Variants in ZC3H18 observed in about 807,000 individuals in gnomAD.
ZC3H18 encodes zinc finger CCCH-type containing 18, also known as zinc finger CCCH domain-containing protein 18.
Under a neutral mutation model 106.1 loss-of-function variants are expected in ZC3H18, and 8 were observed. The ratio of observed to expected loss-of-function variants is 0.08; its 90% CI spans 0.04 to 0.14. ZC3H18 has a LOEUF of 0.14. Ranked by LOEUF, ZC3H18 falls within the 10% of genes least tolerant of loss-of-function variation. The pLI, the probability that ZC3H18 is intolerant of heterozygous loss-of-function variation, is 1.00. For synonymous variants in ZC3H18, 635 were observed against 522.1 expected (o/e 1.22, Z -2.95); for missense variants, 1,318 against 1,278.4 (o/e 1.03, Z -0.47).
At position 88,610,552 on chromosome 16, in the gene ZC3H18, G is replaced by A. The variant is rs1183064015; in HGVS notation, c.1207-716G>A. 3.3e-5 allele frequency among the ~76,000 whole-genome samples: 5 copies of A among 152,352 alleles called. No individual in the cohort carries two copies. In the East Asian group the frequency reaches 5.8e-4, roughly 18 times the overall value. ...TCCTCTCTGCTGTGTCCGAGGGAGG[G>A]GCAGCAGGGAGGCTCGGGGTGCACC... is the stretch of plus-strand genomic sequence containing the variant. On this transcript the variant is annotated intron_variant, in intron 7 of 17. Transcript: ENST00000301011.
chr16:88,580,567 G>C (rs986958792), intron 2 of ZC3H18, among the ~76,000 whole-genome samples: 1 of 152,146 alleles, frequency 6.6e-6, no homozygotes. Context: ...CTCAGGCCCA[G>C]TTCCAAGCCT....
At position 88,627,336 on chromosome 16, in the gene ZC3H18, G is replaced by A; in HGVS notation, c.2109-286G>A. On this transcript the variant is annotated intron_variant, in intron 13 of 17. Transcript: ENST00000301011. This position sits in a 1 kb window ranked among gnomAD's most constrained non-coding sequence, Gnocchi z 4.5. ...CTGGGTCTCAGACCCCATTGCTCGT[G>A]ACGAGATCTGCCCATCTCAGTCTCC... 3.1e-6 allele frequency: 1 copy of A among 318,048 alleles called. No individual in the cohort carries two copies. Among genetic ancestry groups the A allele is most frequent in the Non-Finnish European group, 5.8e-6 (1 of 172,154 alleles). The allele number at this position is 318,048 out of a possible 1,614,324, so 19.7% of individuals were successfully genotyped here. A position where few individuals can be genotyped will look rare whatever the true frequency, so the allele number is the denominator to read the frequency against.
intron 2 of ZC3H18, among the ~76,000 whole-genome samples, chr16:88,578,120 C>T (rs1265131167): frequency 6.6e-6 from 1 of 152,232 alleles, no homozygotes; most frequent in Non-Finnish European, 1.5e-5. Context: ...TGGGTTTCCA[C>T]TCTTGTCAGG....
chr16:88,624,129 C>T (rs1267005661), intron 11 of ZC3H18, 67 bp downstream of exon 11: 17 of 1,577,972 alleles, frequency 1.1e-5, no homozygotes, highest in South Asian at 2.3e-5. Flanking sequence ...CTCCTCCCTC[C>T]GTCTCTATCT....
Position 88,577,708 on chromosome 16 carries a change from C to T in ZC3H18, c.585C>T (p.Ile195=), listed in dbSNP as rs1486610726. 9 of 1,613,330 alleles carry T rather than the reference C, an allele frequency of 5.6e-6. No homozygotes were observed. Among genetic ancestry groups the T allele is most frequent in the South Asian group, 1.1e-5 (1 of 91,054 alleles). Residue 195 remains isoleucine (I), a synonymous_variant, in exon 2 of 18, where the codon ATC becomes ATT. Coordinates refer to ENST00000301011, the MANE Select transcript of ZC3H18 (RefSeq NM_144604.4). The part of the protein sequence containing the change: ...EKKKEDDDGE[I]DDGEIDDDDL... ...AGAAAGAGGACGATGATGGAGAAAT[C>T]GATGATGGGGAAATAGACGTGAGTA...
intron 3 of ZC3H18, among the ~76,000 whole-genome samples, chr16:88,596,412 C>T (rs1057128879): frequency 3.9e-4 from 59 of 152,198 alleles, no homozygotes; most frequent in African/African-American, 1.3e-3. Context: ...GAGGCCGAGG[C>T]TGGCAGATCA....
chr16:88,618,534 C>T (rs142786056), intron 8 of ZC3H18, among the ~76,000 whole-genome samples: 158 of 152,356 alleles, frequency 1.0e-3, no homozygotes, highest in African/African-American at 3.7e-3. Context: ...TTTCTGGACA[C>T]GTGGCCTGTA....
At chr16:88,601,203 A>G (rs1904734137) in intron 6 of ZC3H18, among the ~76,000 whole-genome samples, 1 of 152,260 alleles carries the variant, frequency 6.6e-6, no homozygotes, top group African/African-American at 2.4e-5. Context: ...GACTTGGTTA[A>G]CATGTACATT....
At chr16:88,604,620 A>G (rs960615559) in intron 6 of ZC3H18, among the ~76,000 whole-genome samples, 1 of 148,974 alleles carries the variant, frequency 6.7e-6, no homozygotes, top group Non-Finnish European at 1.5e-5. Context: ...CAGGAGGCGG[A>G]GCTTACAGTG....
chr16:88,591,250 G>A (rs143138152), intron 3 of ZC3H18, among the ~76,000 whole-genome samples: 9 of 152,002 alleles, frequency 5.9e-5, no homozygotes, highest in Non-Finnish European at 8.8e-5. Flanking sequence ...GATTACAGGC[G>A]TGAGTCACTG....
chr16:88,598,200 T>C lies in ZC3H18; in HGVS notation c.711T>C (p.Asn237=). Residue 237 remains asparagine, a synonymous_variant, in exon 4 of 18, where the codon AAT becomes AAC. Coordinates refer to ENST00000301011, the MANE Select transcript of ZC3H18 (RefSeq NM_144604.4). ...FMKGNCTWGM[N]CRFIHPGVND... is the part of the protein sequence containing the mutation. The stretch of plus-strand genomic sequence containing the variant: ...TAGGGAACTGTACCTGGGGAATGAA[T>C]TGTAGGTTTATACACCCTGGAGTGA... The C allele has an allele frequency of 2.5e-6, 4 of 1,610,480 alleles. No homozygotes were observed. Among genetic ancestry groups the C allele is most frequent in the Non-Finnish European group, 3.4e-6 (4 of 1,178,738 alleles).
At chr16:88,597,905 G>A (rs891918833) in intron 3 of ZC3H18, among the ~76,000 whole-genome samples, 4 of 152,228 alleles carry the variant, frequency 2.6e-5, no homozygotes, top group East Asian at 3.8e-4. Flanking sequence ...CAGTTGATAC[G>A]CGTGAACTCT....
At chr16:88,613,360 C>G (rs917554049) in intron 8 of ZC3H18, among the ~76,000 whole-genome samples, 5 of 152,162 alleles carry the variant, frequency 3.3e-5, no homozygotes, top group African/African-American at 7.2e-5. Flanking sequence ...TGAGCATATA[C>G]CTCAGTGTGG....
In ZC3H18 at chr16:88,630,868, C is replaced by G. The variant is rs558493908; in HGVS notation, c.2664-233C>G. On this transcript the variant is annotated intron_variant, in intron 17 of 17. Coordinates refer to ENST00000301011, the MANE Select transcript of ZC3H18 (RefSeq NM_144604.4). ...CTGGGCACAGAGGTGGGAAGAATAA[C>G]AGGAGGTTGTGCGGGGCCAGCCCAG... 4.6e-4 allele frequency among the ~76,000 whole-genome samples: 70 copies of G among 151,800 alleles called. No homozygotes were observed. In the Middle Eastern group the frequency reaches 0.017, roughly 37 times the overall value.
chr16:88,574,667 A>ATT lies in ZC3H18; in HGVS notation c.-14-2418_-14-2417dup, dbSNP rs35816940. 7.4e-3 allele frequency among the ~76,000 whole-genome samples: 589 copies of ATT among 79,842 alleles called. 35 individuals carry two copies. The highest frequency in any genetic ancestry group is 0.025 in the African/African-American group (405 of 16,460). The allele number at this position is 79,842 out of a possible 152,430, so 52.4% of individuals were successfully genotyped here. A position where few individuals can be genotyped will look rare whatever the true frequency, so the allele number is the denominator to read the frequency against. Reference sequence around the variant, plus strand: ...ACAGGTGCCCTACCACACCCAGCTAATTTTTTTTTTTTTTTTTTTTTTTTT... The same window carrying ATT: ...ACAGGTGCCCTACCACACCCAGCTAATTTTTTTTTTTTTTTTTTTTTTTTTTT... On this transcript the variant is annotated intron_variant, in intron 1 of 17. Coordinates refer to ENST00000301011, the MANE Select transcript of ZC3H18 (RefSeq NM_144604.4).
At chr16:88,598,517 A>G (rs1343325950) in intron 4 of ZC3H18, 103 bp from the exon 5 acceptor site, 2 of 1,439,456 alleles carry the variant, frequency 1.4e-6, no homozygotes, top group Non-Finnish European at 1.9e-6. Flanking sequence ...GAGAGCGGCC[A>G]CACACGGCCG....
chr16:88,586,446 G>T (rs1915435729), intron 2 of ZC3H18, among the ~76,000 whole-genome samples, 154 bp from the exon 3 acceptor site: 1 of 152,160 alleles, frequency 6.6e-6, no homozygotes, highest in African/African-American at 2.4e-5. Context: ...CTGCTATGTA[G>T]ATCTGGGACC....
intron 1 of ZC3H18, among the ~76,000 whole-genome samples, chr16:88,576,102 G>A (rs1433939874): frequency 4.6e-5 from 7 of 152,086 alleles, no homozygotes; most frequent in African/African-American, 1.7e-4. Context: ...GGGTTTCACC[G>A]TGTTAGCCAG....
At chr16:88,601,590 G>C (rs943270366) in intron 6 of ZC3H18, among the ~76,000 whole-genome samples, 5 of 152,090 alleles carry the variant, frequency 3.3e-5, no homozygotes, top group Non-Finnish European at 7.4e-5. Flanking sequence ...CTGGCACCAG[G>C]TGACAGAAGC....
Sources: gnomAD v4.1 joint callset for allele counts (sites outside exome capture counted in the v4.1 genomes callset) on GRCh38, gnomAD v4.1.1 for gene constraint, Gnocchi (gnomAD v3.1) non-coding constraint, MANE v1.5 for transcripts, NCBI Gene and HGNC (gene_info 2026-07-23, HGNC 2026-07-21) for gene names.